Variants in ERC1 observed in about 807,000 individuals in gnomAD.
ERC1 encodes ELKS/RAB6-interacting/CAST family member 1, also known as RAB6 interacting protein 2.
Under a neutral mutation model 132.0 loss-of-function variants are expected in ERC1, and 56 were observed. The observed-to-expected ratio is 0.42, with a 90% confidence interval of 0.34 to 0.53. ERC1 has a LOEUF of 0.53. ERC1 is among the 20% of genes least tolerant of loss of function. The pLI, the probability that ERC1 is intolerant of heterozygous loss-of-function variation, is 0.03. For missense variants in ERC1, 1,202 were observed against 1,349.9 expected, an observed-to-expected ratio of 0.89 and a Z score of 1.72; for synonymous variants, 478 against 476.1, an observed-to-expected ratio of 1.00 and a Z score of -0.05.
chr12:1,043,520 G>GGCAGA (rs1462376163), intron 2 of ERC1, among the ~76,000 whole-genome samples: 1 of 152,108 alleles, frequency 6.6e-6, no homozygotes, highest in African/African-American at 2.4e-5. Context: ...AATAACTGGG[G>GGCAGA]GCAGAAGGTG....
At chr12:1,210,618 C>T (rs1218803442) in intron 12 of ERC1, among the ~76,000 whole-genome samples, 1 of 152,076 alleles carries the variant, frequency 6.6e-6, no homozygotes, top group Non-Finnish European at 1.5e-5. Context: ...CTTCGCTTTC[C>T]TTCATTAATA....
chr12:996,687 T>C (rs1203051673), intron 1 of ERC1, among the ~76,000 whole-genome samples: 3 of 152,216 alleles, frequency 2.0e-5, no homozygotes, highest in Non-Finnish European at 4.4e-5. Flanking sequence ...GTTAATTTTA[T>C]GTACACTTAT....
intron 17 of ERC1, among the ~76,000 whole-genome samples, chr12:1,437,180 G>T (rs1315482796): frequency 6.6e-6 from 1 of 152,154 alleles, no homozygotes; most frequent in Non-Finnish European, 1.5e-5. Flanking sequence ...TTTCTGAGTG[G>T]CTTTCTTGAC....
intron 17 of ERC1, among the ~76,000 whole-genome samples, chr12:1,426,382 G>A (rs1022601961): frequency 1.3e-5 from 2 of 152,166 alleles, no homozygotes; most frequent in East Asian, 3.9e-4. Context: ...TGGCATTACA[G>A]GTATGAGCCA....
intron 16 of ERC1, among the ~76,000 whole-genome samples, chr12:1,374,409 G>A (rs1591608003): frequency 6.6e-6 from 1 of 151,870 alleles, no homozygotes; most frequent in East Asian, 1.9e-4. Flanking sequence ...AGGGTAACTT[G>A]TCTCCTTGAC....
At chr12:1,444,849 T>C in intron 18 of ERC1, 99 bp downstream of exon 18, 1 of 1,088,578 alleles carries the variant, frequency 9.2e-7, no homozygotes, top group South Asian at 1.5e-5. Context: ...AGTTGCCGTG[T>C]AGTTGATGCA....
intron 2 of ERC1, among the ~76,000 whole-genome samples, chr12:1,049,838 C>T (rs1456199836): frequency 6.6e-6 from 1 of 150,816 alleles, no homozygotes; most frequent in Non-Finnish European, 1.5e-5. Context: ...CTGCAACCTC[C>T]ACCTCCCGGG....
At chr12:1,439,928 C>A (rs12303124) in intron 17 of ERC1, among the ~76,000 whole-genome samples, 1 of 152,034 alleles carries the variant, frequency 6.6e-6, no homozygotes, top group Non-Finnish European at 1.5e-5. Context: ...GGGCATTTCC[C>A]ACATGATTGA....
intron 2 of ERC1, among the ~76,000 whole-genome samples, chr12:1,047,625 A>G (rs1196641899): frequency 1.3e-5 from 2 of 152,234 alleles, no homozygotes; most frequent in African/African-American, 4.8e-5. Flanking sequence ...GTGTTTACAA[A>G]CAGTGTTCCT....
intron 18 of ERC1, among the ~76,000 whole-genome samples, chr12:1,450,263 A>C (rs974364722): frequency 5.3e-5 from 8 of 152,082 alleles, no homozygotes; most frequent in African/African-American, 1.4e-4. Context: ...ACCACCATCT[A>C]TCTCTGTAGC....
chr12:1,241,212 C>A (rs1027009306), intron 13 of ERC1, among the ~76,000 whole-genome samples: 2 of 152,110 alleles, frequency 1.3e-5, no homozygotes, highest in African/African-American at 2.4e-5. Flanking sequence ...ATTTTTTGCT[C>A]ATTTTACATA....
rs1231008671 is a variant in ERC1, at chr12:1,243,728, T to C, written c.2487+6824T>C. On this transcript the variant is annotated intron_variant, in intron 13 of 18. Coordinates refer to ENST00000360905, the MANE Select transcript of ERC1 (RefSeq NM_178040.4). Reference sequence around the variant, plus strand: ...TGCTACCGGCATCTAGTGAGTAGAGTGCTGGGTGCTGCTAAACGTCCTGTA... The same window carrying C: ...TGCTACCGGCATCTAGTGAGTAGAGCGCTGGGTGCTGCTAAACGTCCTGTA... Among the ~76,000 whole-genome samples the C allele has an allele frequency of 2.6e-5, 4 of 152,092 alleles. No individual in the cohort carries two copies. In the East Asian group the frequency reaches 7.7e-4, roughly 29 times the overall value.
At chr12:1,186,994 C>A (rs1474644350) in intron 11 of ERC1, among the ~76,000 whole-genome samples, 1 of 152,274 alleles carries the variant, frequency 6.6e-6, no homozygotes, top group Non-Finnish European at 1.5e-5. Flanking sequence ...CCACCCCTGG[C>A]TAATTTTTGT....
chr12:1,357,231 G>A (rs1365159152), intron 15 of ERC1, among the ~76,000 whole-genome samples: 1 of 152,162 alleles, frequency 6.6e-6, no homozygotes, highest in Non-Finnish European at 1.5e-5. Context: ...GATTTTGCTG[G>A]AGGTGGAGAC....
At chr12:1,165,109 G>C (rs984561267) in intron 8 of ERC1, among the ~76,000 whole-genome samples, 3 of 152,130 alleles carry the variant, frequency 2.0e-5, no homozygotes, top group African/African-American at 7.2e-5. Context: ...GAAGAATAAG[G>C]TATGTGGAAA....
At chr12:1,307,631 G>T (rs1009915296) in intron 15 of ERC1, among the ~76,000 whole-genome samples, 7 of 152,094 alleles carry the variant, frequency 4.6e-5, no homozygotes, top group Admixed American at 3.3e-4. Flanking sequence ...ACTAATGCCC[G>T]AGCGCCCCTT....
intron 14 of ERC1, among the ~76,000 whole-genome samples, chr12:1,269,553 A>T (rs992367220): frequency 6.6e-6 from 1 of 152,206 alleles, no homozygotes; most frequent in African/African-American, 2.4e-5. Context: ...AGAGGGCGTG[A>T]CATCATCTGA....
chr12:1,235,425 A>G (rs558962808), intron 12 of ERC1, among the ~76,000 whole-genome samples: 2 of 152,258 alleles, frequency 1.3e-5, no homozygotes. Context: ...AGAAGAAAAT[A>G]CTTACATAAC....
intron 14 of ERC1, among the ~76,000 whole-genome samples, chr12:1,285,379 A>G (rs1344621092): frequency 2.0e-5 from 3 of 152,218 alleles, no homozygotes; most frequent in Admixed American, 6.5e-5. Flanking sequence ...AAACAAATCC[A>G]CAAAGCCCAA....
Sources: allele counts gnomAD v4.1 joint callset (sites outside exome capture counted in the v4.1 genomes callset), GRCh38; gene constraint gnomAD v4.1.1; transcripts MANE v1.5; gene names NCBI Gene and HGNC (gene_info 2026-07-23, HGNC 2026-07-21).